Variants in KCNQ1 observed in about 807,000 individuals in gnomAD.
The protein encoded by KCNQ1 is potassium voltage-gated channel subfamily Q member 1, also known as potassium voltage-gated channel subfamily KQT member 1.
In KCNQ1, 49 loss-of-function variants were observed where a neutral mutation model predicts 72.4. The observed-to-expected ratio is 0.68, with a 90% confidence interval of 0.54 to 0.86. The LOEUF is 0.86. Among genes scored for constraint, KCNQ1 ranks in the 40% least tolerant of loss-of-function variants. The pLI is 0.00. For synonymous variants in KCNQ1, 450 were observed against 412.6 expected (o/e 1.09, Z -1.10); for missense variants, 790 against 945.1 (o/e 0.84, Z 2.15).
In KCNQ1 at chr11:2,473,475, G is replaced by A. The variant is rs1416996655; in HGVS notation, c.386+27991G>A. Among the ~76,000 whole-genome samples, 3 of 152,152 alleles carry A rather than the reference G, an allele frequency of 2.0e-5. No homozygotes were observed. Among genetic ancestry groups the A allele is most frequent in the Non-Finnish European group, 4.4e-5 (3 of 68,030 alleles). ...CAGGTGAGCGGGTTGGGAAAGGAAA[G>A]GGTCTGTGCTGGGAAATCCAAGGGG... is the stretch of plus-strand genomic sequence containing the variant. On this transcript the variant is annotated intron_variant, in intron 1 of 15. Coordinates refer to ENST00000155840, the MANE Select transcript of KCNQ1 (RefSeq NM_000218.3). This position sits in a 1 kb window ranked among gnomAD's most constrained non-coding sequence, Gnocchi z 6.0.
At chr11:2,765,831 G>A (rs231872) in intron 11 of KCNQ1, among the ~76,000 whole-genome samples, 2 of 151,894 alleles carry the variant, frequency 1.3e-5, no homozygotes, top group Non-Finnish European at 2.9e-5. Flanking sequence ...TTTTTGTATC[G>A]TTATATTTTA....
chr11:2,619,545 T>C (rs1849128555), intron 10 of KCNQ1: 2 of 398,612 alleles, frequency 5.0e-6, no homozygotes, highest in Non-Finnish European at 8.8e-6. Context: ...ATCTTTTTGA[T>C]GTATTGTTAA....
At position 2,712,875 on chromosome 11, in the gene KCNQ1, A is replaced by G. The variant is rs1356830746; in HGVS notation, c.1514+50794A>G. Among the ~76,000 whole-genome samples the G allele has an allele frequency of 6.6e-6, 1 of 152,114 alleles. No individual in the cohort carries two copies. Among genetic ancestry groups the G allele is most frequent in the Non-Finnish European group, 1.5e-5 (1 of 68,012 alleles). On this transcript the variant is annotated intron_variant, in intron 11 of 15. Transcript: ENST00000155840. This position sits in a 1 kb window ranked among gnomAD's most constrained non-coding sequence, Gnocchi z 6.4. ...ACACAGGGAGGAGGCAGCATGGGAA[A>G]TGGAAGGACTGCAGCCCCCGCCTCC...
chr11:2,511,062 T>G (rs1223419299), intron 1 of KCNQ1, among the ~76,000 whole-genome samples: 1 of 152,134 alleles, frequency 6.6e-6, no homozygotes, highest in East Asian at 1.9e-4. Flanking sequence ...CATTTACGGT[T>G]TATTTTCTCT....
rs576012871 is a variant in KCNQ1, at chr11:2,447,565, C to G, written c.386+2081C>G. Among the ~76,000 whole-genome samples the G allele has an allele frequency of 1.9e-4, 29 of 152,194 alleles. No homozygotes were observed. The highest frequency in any genetic ancestry group is 7.0e-4 in the African/African-American group (29 of 41,516). ...CCTAGGAGGTTGGCAGGACCAGTCT[C>G]TTGAGGGGAGACCTGGTCATAGAAC... On this transcript the variant is annotated intron_variant, in intron 1 of 15. Transcript: ENST00000155840. This position sits in a 1 kb window ranked among gnomAD's most constrained non-coding sequence, Gnocchi z 7.6.
chr11:2,534,995 G>A (rs956509726), intron 2 of KCNQ1, among the ~76,000 whole-genome samples: 1 of 152,188 alleles, frequency 6.6e-6, no homozygotes, highest in African/African-American at 2.4e-5. Context: ...CTGGAGCTAG[G>A]CCCAGAGGAC....
rs1848918059 is a variant in KCNQ1, at chr11:2,608,474, C to A, written c.1393+19620C>A. On this transcript the variant is annotated intron_variant, in intron 10 of 15. Transcript: ENST00000155840. The surrounding 1 kb of genome is among the most constrained non-coding windows in gnomAD (Gnocchi z 4.6). ...GGTAGTATACTTCCCTCATTCATTC[C>A]TTTTTCCTTTTCTTTTTGAGAAACA... The A allele has an allele frequency of 2.5e-6, 1 of 398,256 alleles. No homozygotes were observed. The highest frequency in any genetic ancestry group is 4.4e-6 in the Non-Finnish European group (1 of 225,984). The allele number at this position is 398,256 out of a possible 1,614,324, so 24.7% of individuals were successfully genotyped here. A position where few individuals can be genotyped will look rare whatever the true frequency, so the allele number is the denominator to read the frequency against.
Position 2,647,885 on chromosome 11 carries a change from C to G in KCNQ1, c.1394-14076C>G, listed in dbSNP as rs1849690662. On this transcript the variant is annotated intron_variant, in intron 10 of 15. Coordinates refer to ENST00000155840, the MANE Select transcript of KCNQ1 (RefSeq NM_000218.3). This position sits in a 1 kb window ranked among gnomAD's most constrained non-coding sequence, Gnocchi z 4.0. ...TATTTATTGGGTCTTCTTGGTTAGT[C>G]TAGCTAATGGTTTATTGATTTTCTC... The G allele has an allele frequency of 7.5e-6, 3 of 398,340 alleles. No homozygotes were observed. The highest frequency in any genetic ancestry group is 4.4e-5 in the Admixed American group (1 of 22,718). The allele number at this position is 398,340 out of a possible 1,614,324, so 24.7% of individuals were successfully genotyped here.
At chr11:2,776,094 C>T (rs12720453) in intron 13 of KCNQ1, 40 bp downstream of exon 13, 1 of 1,485,818 alleles carries the variant, frequency 6.7e-7, no homozygotes, top group African/African-American at 1.4e-5. Context: ...GTGCCCAGGT[C>T]CTGCCCAGCC....
chr11:2,718,276 G>C (rs1471453201), intron 11 of KCNQ1, among the ~76,000 whole-genome samples: 1 of 152,172 alleles, frequency 6.6e-6, no homozygotes, highest in African/African-American at 2.4e-5. Flanking sequence ...CTGAGCCCCA[G>C]GTAGACCCCC....
chr11:2,743,924 C>T (rs112574778), intron 11 of KCNQ1, among the ~76,000 whole-genome samples: 49 of 152,346 alleles, frequency 3.2e-4, no homozygotes, highest in African/African-American at 1.1e-3. Context: ...GGGGCCTCCC[C>T]TGGTGGGCCT....
chr11:2,612,388 G>A lies in KCNQ1; in HGVS notation c.1393+23534G>A, dbSNP rs1848995463. 2.5e-6 allele frequency: 1 copy of A among 398,482 alleles called. No individual in the cohort carries two copies. Among genetic ancestry groups the A allele is most frequent in the Non-Finnish European group, 4.4e-6 (1 of 226,072 alleles). 24.7% of individuals were successfully genotyped at this position (398,482 alleles called of 1,614,324 possible). A position where few individuals can be genotyped will look rare whatever the true frequency, so the allele number is the denominator to read the frequency against. On this transcript the variant is annotated intron_variant, in intron 10 of 15. Transcript: ENST00000155840. This position sits in a 1 kb window ranked among gnomAD's most constrained non-coding sequence, Gnocchi z 5.5. The stretch of plus-strand genomic sequence containing the variant: ...GGTCCCTCATGCCAAAAAGGTTGGG[G>A]ACCACTATATTATGGTATCCAATGG...
intron 11 of KCNQ1, among the ~76,000 whole-genome samples, chr11:2,736,411 T>A (rs1845957170): frequency 6.6e-6 from 1 of 151,594 alleles, no homozygotes; most frequent in African/African-American, 2.4e-5. Flanking sequence ...TTTTTTGGAG[T>A]CTTCCTGAGA....
Position 2,795,084 on chromosome 11 carries a change from A to G in KCNQ1, c.1794+17047A>G, listed in dbSNP as rs555135155. Among the ~76,000 whole-genome samples, 7 of 152,086 alleles carry G rather than the reference A, an allele frequency of 4.6e-5. No individual in the cohort carries two copies. The South Asian group carries it at 6.2e-4, about 14-fold the overall frequency. On this transcript the variant is annotated intron_variant, in intron 15 of 15. Transcript: ENST00000155840. ...AAGGGGTCTTCCCATCTAACTCGCC[A>G]CCTCCTCCCACGTCCCACTCAGCTC...
chr11:2,649,000 T>C (rs78872795), intron 10 of KCNQ1: 2 of 394,722 alleles, frequency 5.1e-6, no homozygotes, highest in Non-Finnish European at 8.9e-6. Context: ...TTTTTTTTTT[T>C]TTTTGACTCA....
At position 2,617,940 on chromosome 11, in the gene KCNQ1, T is replaced by TA; in HGVS notation, c.1393+29087dup. 2.5e-6 allele frequency: 1 copy of TA among 398,606 alleles called. No individual in the cohort carries two copies. The highest frequency in any genetic ancestry group is 4.4e-6 in the Non-Finnish European group (1 of 226,046). The allele number at this position is 398,606 out of a possible 1,614,324, so 24.7% of individuals were successfully genotyped here. ...TTATAAATTTTGGATATTATCCTCTTATAAGATATATGGTTGGCAAATATT... is the reference window on the plus strand; with the variant it reads ...TTATAAATTTTGGATATTATCCTCTTAATAAGATATATGGTTGGCAAATATT... On this transcript the variant is annotated intron_variant, in intron 10 of 15. Coordinates refer to ENST00000155840, the MANE Select transcript of KCNQ1 (RefSeq NM_000218.3). The surrounding 1 kb of genome is among the most constrained non-coding windows in gnomAD (Gnocchi z 4.6).
chr11:2,714,424 G>C (rs1301617790), intron 11 of KCNQ1, among the ~76,000 whole-genome samples: 1 of 152,216 alleles, frequency 6.6e-6, no homozygotes, highest in African/African-American at 2.4e-5. Context: ...AGTGGAGTCA[G>C]GGCAGCTGGA....
rs970581164 is a variant in KCNQ1, at chr11:2,752,115, G to A, written c.1515-16729G>A. 1.3e-5 allele frequency among the ~76,000 whole-genome samples: 2 copies of A among 152,258 alleles called. No homozygotes were observed. The highest frequency in any genetic ancestry group is 6.5e-5 in the Admixed American group (1 of 15,288). Reference sequence around the variant, plus strand: ...TGTTTCCACCACAAGACTGTTTGTAGCCGAGCTTGGGAGTTGTGTTGTGTA... The same window carrying A: ...TGTTTCCACCACAAGACTGTTTGTAACCGAGCTTGGGAGTTGTGTTGTGTA... On this transcript the variant is annotated intron_variant, in intron 11 of 15. Transcript: ENST00000155840. This position sits in a 1 kb window ranked among gnomAD's most constrained non-coding sequence, Gnocchi z 5.2.
chr11:2,511,982 T>C (rs1245355651), intron 1 of KCNQ1, among the ~76,000 whole-genome samples: 1 of 152,136 alleles, frequency 6.6e-6, no homozygotes, highest in Non-Finnish European at 1.5e-5. Flanking sequence ...AGCGTGAGCA[T>C]TTGTCTCGGG....
Sources: allele counts gnomAD v4.1 joint callset (sites outside exome capture counted in the v4.1 genomes callset), GRCh38; gene constraint gnomAD v4.1.1; non-coding constraint Gnocchi (gnomAD v3.1); transcripts MANE v1.5; gene names NCBI Gene and HGNC (gene_info 2026-07-23, HGNC 2026-07-21).